The following WNK1 variants were observed in gnomAD, a reference collection of about 807,000 sequenced individuals.
WNK1 encodes the protein serine/threonine-protein kinase WNK1.
In WNK1, 38 loss-of-function variants were observed where a neutral mutation model predicts 222.8. That is an observed-to-expected ratio of 0.17 (90% confidence interval 0.13 to 0.22). The LOEUF (loss-of-function observed/expected upper bound fraction) is 0.22. WNK1 is among the 10% of genes least tolerant of loss of function. WNK1 has a pLI of 1.00. For missense variants in WNK1, 2,348 were observed against 2,918.4 expected (o/e 0.80, Z 4.50); for synonymous variants, 1,090 against 1,092.9 (o/e 1.00, Z 0.05).
intron 10 of WNK1, 104 bp from the exon 11 acceptor site, chr12:879,469 C>CTTTTTTTTGG: frequency 1.8e-6 from 1 of 564,210 alleles, no homozygotes; most frequent in Non-Finnish European, 2.6e-6. Context: ...TTTGTTTTTT[C>CTTTTTTTTGG]CTTCTTTTTG....
chr12:890,757 A>G (rs72650755), intron 22 of WNK1, among the ~76,000 whole-genome samples: 34 of 152,332 alleles, frequency 2.2e-4, no homozygotes, highest in Non-Finnish European at 4.6e-4. Flanking sequence ...GATCCTTGCT[A>G]TTAGAGATTA....
intron 19 of WNK1, among the ~76,000 whole-genome samples, chr12:886,661 G>A (rs1953690350): frequency 6.6e-6 from 1 of 152,188 alleles, no homozygotes. Context: ...ACAAGGCTGT[G>A]TTACGTCTAC....
Position 807,933 on chromosome 12 carries a change from A to G in WNK1, c.760-5709A>G, listed in dbSNP as rs552164599. Among the ~76,000 whole-genome samples, 10 of 151,800 alleles carry G rather than the reference A, an allele frequency of 6.6e-5. No homozygotes were observed. The East Asian group carries it at 1.2e-3, about 18-fold the overall frequency. ...ACGGGGTTTCACCGTGTTAGCCAGG[A>G]TGGTCTCGATCTCCTGACCTCGTGA... On this transcript the variant is annotated intron_variant, in intron 1 of 27. Transcript: ENST00000315939.
chr12:865,436 A>G (rs1455192986), intron 8 of WNK1: 46 of 1,476,496 alleles, frequency 3.1e-5, no homozygotes, highest in Non-Finnish European at 4.0e-5. Flanking sequence ...AAGAATTTTA[A>G]TTAAAATTGA....
intron 1 of WNK1, among the ~76,000 whole-genome samples, chr12:767,504 G>A (rs1941914783): frequency 6.6e-6 from 1 of 151,948 alleles, no homozygotes. Flanking sequence ...ACCCTCCTTG[G>A]CCTCCCAAAG....
At chr12:857,092 A>C in intron 4 of WNK1, 69 bp from the exon 5 acceptor site, 2 of 1,517,322 alleles carry the variant, frequency 1.3e-6, no homozygotes, top group South Asian at 1.1e-5. Flanking sequence ...AAGAACCTTA[A>C]TTGGAAATTT....
At chr12:871,461 A>G (rs1952139871) in intron 9 of WNK1, 113 bp downstream of exon 9, 2 of 974,368 alleles carry the variant, frequency 2.1e-6, no homozygotes, top group African/African-American at 3.2e-5. Context: ...GAAAATTAAG[A>G]GGCATACCAT....
At chr12:763,011 G>A (rs1941237384) in intron 1 of WNK1, among the ~76,000 whole-genome samples, 1 of 146,666 alleles carries the variant, frequency 6.8e-6, no homozygotes, top group Admixed American at 6.8e-5. Context: ...CTCCCAAAGT[G>A]CTGGAATTAC....
chr12:867,834 A>G, intron 8 of WNK1: 1 of 1,611,772 alleles, frequency 6.2e-7, no homozygotes, highest in Middle Eastern at 1.6e-4. Flanking sequence ...ATATGAATGT[A>G]TGAATTACTT....
chr12:885,556 A>G lies in WNK1; in HGVS notation c.4752A>G (p.Gln1584=), dbSNP rs879379524. 1 of 1,614,046 alleles carries G rather than the reference A, an allele frequency of 6.2e-7. No homozygotes were observed. Among genetic ancestry groups the G allele is most frequent in the Non-Finnish European group, 8.5e-7 (1 of 1,180,014 alleles). ...SVIASTPILP[Q]AAGPTSTPLL... Reference sequence around the variant, plus strand: ...TAGCTTCTACTCCTATTCTTCCCCAAGCAGCAGGACCTACTTCTACACCTT... The same window carrying G: ...TAGCTTCTACTCCTATTCTTCCCCAGGCAGCAGGACCTACTTCTACACCTT... Residue 1584 remains glutamine (Q), a synonymous_variant, in exon 19 of 28, where the codon CAA becomes CAG. Coordinates refer to ENST00000315939, the MANE Select transcript of WNK1 (RefSeq NM_018979.4).
At chr12:779,467 C>T (rs557992844) in intron 1 of WNK1, among the ~76,000 whole-genome samples, 4 of 149,546 alleles carry the variant, frequency 2.7e-5, no homozygotes, top group South Asian at 2.1e-4. Flanking sequence ...TGCAGTGGCA[C>T]GATCTGGGCT....
At chr12:777,525 T>G (rs1273610890) in intron 1 of WNK1, among the ~76,000 whole-genome samples, 1 of 152,204 alleles carries the variant, frequency 6.6e-6, no homozygotes, top group Non-Finnish European at 1.5e-5. Context: ...GTCATAGAGT[T>G]AGGCACTTGT....
intron 8 of WNK1, among the ~76,000 whole-genome samples, chr12:866,862 G>T (rs1951713230): frequency 1.3e-5 from 2 of 152,054 alleles, no homozygotes; most frequent in African/African-American, 4.8e-5. Flanking sequence ...AGTGGCTCAC[G>T]CCTGTAATCC....
intron 4 of WNK1, among the ~76,000 whole-genome samples, chr12:845,893 AC>A (rs1239645393): frequency 6.6e-6 from 1 of 152,202 alleles, no homozygotes; most frequent in African/African-American, 2.4e-5. Context: ...CTTGTCGATC[AC>A]CTTGCAAAGT....
At chr12:841,486 TTTG>T (rs1949621729) in intron 4 of WNK1, among the ~76,000 whole-genome samples, 1 of 152,234 alleles carries the variant, frequency 6.6e-6, no homozygotes, top group African/African-American at 2.4e-5. Flanking sequence ...TATACTACAT[TTTG>T]TTCTATTCAG....
intron 2 of WNK1, among the ~76,000 whole-genome samples, chr12:825,679 C>G (rs1159744): frequency 0.76 from 115,508 of 152,032 alleles, 43,957 homozygotes; most frequent in East Asian, 0.87. Flanking sequence ...GAAAATTTTA[C>G]CTCAACAAAT....
Position 909,314 on chromosome 12 carries a change from A to G in WNK1, c.*522A>G, listed in dbSNP as rs958160351. 2.5e-5 allele frequency: 4 copies of G among 159,798 alleles called. No homozygotes were observed. The highest frequency in any genetic ancestry group is 9.7e-5 in the African/African-American group (4 of 41,410). The allele number at this position is 159,798 out of a possible 1,614,324, so 9.9% of individuals were successfully genotyped here. On this transcript the variant is annotated 3_prime_UTR_variant, in exon 28 of 28. Coordinates refer to ENST00000315939, the MANE Select transcript of WNK1 (RefSeq NM_018979.4). ...TGCTCTTTAGAACCCAGTGAAAAAT[A>G]CCAGGGTACTGGGGTGCAACTCTTT... is the stretch of plus-strand genomic sequence containing the variant.
chr12:908,995 A>AG lies in WNK1; in HGVS notation c.*205dup. ...CTCCAGTTATTGGAATGGGAGAGGA[A>AG]GGAAAGAACAGCTTTTTTGTCAAGG... On this transcript the variant is annotated 3_prime_UTR_variant, in exon 28 of 28. Coordinates refer to ENST00000315939, the MANE Select transcript of WNK1 (RefSeq NM_018979.4). 1.6e-6 allele frequency: 1 copy of AG among 634,280 alleles called. No homozygotes were observed. Among genetic ancestry groups the AG allele is most frequent in the South Asian group, 1.9e-5 (1 of 51,314 alleles). The allele number at this position is 634,280 out of a possible 1,614,324, so 39.3% of individuals were successfully genotyped here. A position where few individuals can be genotyped will look rare whatever the true frequency, so the allele number is the denominator to read the frequency against.
chr12:850,663 G>T (rs199707587), intron 4 of WNK1, among the ~76,000 whole-genome samples: 134 of 125,070 alleles, frequency 1.1e-3, no homozygotes, highest in Middle Eastern at 3.6e-3. Flanking sequence ...GTCCTGAATG[G>T]TACTGCCTAG....
Sources: allele counts gnomAD v4.1 joint callset (sites outside exome capture counted in the v4.1 genomes callset), GRCh38; gene constraint gnomAD v4.1.1; transcripts MANE v1.5; gene names NCBI Gene and HGNC (gene_info 2026-07-23, HGNC 2026-07-21).